The following GPHN variants were observed in gnomAD, a reference collection of about 807,000 sequenced individuals.
The protein encoded by GPHN is gephyrin.
A neutral mutation model predicts 95.5 loss-of-function variants in GPHN; 17 were observed. That is an observed-to-expected ratio of 0.18 (90% CI 0.12 to 0.27). The LOEUF is 0.27. Ranked by LOEUF, GPHN falls within the 10% of genes least tolerant of loss-of-function variation. GPHN has a pLI of 1.00. For synonymous variants in GPHN, 320 were observed against 322.5 expected (o/e 0.99, Z 0.08); for missense variants, 660 against 978.1 (o/e 0.67, Z 4.34).
intron 10 of GPHN, among the ~76,000 whole-genome samples, chr14:67,041,184 T>A (rs2074680865): frequency 6.6e-6 from 1 of 152,218 alleles, no homozygotes; most frequent in Admixed American, 6.5e-5. Flanking sequence ...TGGGCCTTAT[T>A]GGTATTTGCC....
At chr14:67,066,896 G>A (rs1373763835) in intron 11 of GPHN, among the ~76,000 whole-genome samples, 1 of 152,156 alleles carries the variant, frequency 6.6e-6, no homozygotes, top group East Asian at 1.9e-4. Flanking sequence ...GCTCGGAGAA[G>A]TTTGTTATTA....
the GPHN span, among the ~76,000 whole-genome samples, chr14:67,215,407 T>G: frequency 2.3e-4 from 25 of 110,182 alleles, no homozygotes; most frequent in South Asian, 1.1e-3. Flanking sequence ...TGATCTATTG[T>G]TTTTTTTTTT....
chr14:67,125,498 G>A (rs1017260476), intron 17 of GPHN, among the ~76,000 whole-genome samples: 2 of 152,124 alleles, frequency 1.3e-5, no homozygotes, highest in Non-Finnish European at 2.9e-5. Context: ...CAATAAGGGC[G>A]AGGTGCAGTG....
intron 11 of GPHN, among the ~76,000 whole-genome samples, chr14:67,065,660 A>G (rs1284269240): frequency 6.6e-6 from 1 of 151,544 alleles, no homozygotes; most frequent in East Asian, 1.9e-4. Flanking sequence ...TTCCTGCTGC[A>G]TTGATCCCTT....
At chr14:66,670,872 G>T (rs1337449863) in intron 1 of GPHN, among the ~76,000 whole-genome samples, 2 of 152,156 alleles carry the variant, frequency 1.3e-5, no homozygotes, top group Non-Finnish European at 2.9e-5. Context: ...ATTGAGAATT[G>T]TACCTAGGTA....
chr14:66,609,421 T>A (rs574789933), intron 1 of GPHN, among the ~76,000 whole-genome samples: 1 of 152,266 alleles, frequency 6.6e-6, no homozygotes, highest in East Asian at 1.9e-4. Flanking sequence ...CTGTGTGTCT[T>A]GGGGATGGTC....
At chr14:67,673,306 TGCACTCCA>T in the GPHN span, among the ~76,000 whole-genome samples, 3 of 151,978 alleles carry the variant, frequency 2.0e-5, no homozygotes, top group Non-Finnish European at 4.4e-5. Flanking sequence ...ATCGTGCCAC[TGCACTCCA>T]GCCTGGGTGA....
In GPHN at chr14:66,862,405, T is replaced by C. The variant is rs2063063175; in HGVS notation, c.295-17534T>C. Among the ~76,000 whole-genome samples the C allele has an allele frequency of 2.6e-5, 4 of 152,102 alleles. No homozygotes were observed. The South Asian group carries it at 8.3e-4, about 32-fold the overall frequency. Reference sequence around the variant, plus strand: ...ATTCCCTGCTGAATTCTACAGAACATTTAAGGAAGAACTAATACCAATCTT... The same window carrying C: ...ATTCCCTGCTGAATTCTACAGAACACTTAAGGAAGAACTAATACCAATCTT... On this transcript the variant is annotated intron_variant, in intron 4 of 22. Transcript: ENST00000478722.
At position 66,827,376 on chromosome 14, in the gene GPHN, G is replaced by T. The variant is rs760637617; in HGVS notation, c.294+2810G>T. ...GCTATCACTCAGGAAATTCCCAAGG[G>T]TTTTATGAGTTCTATAATAAGTCAG... On this transcript the variant is annotated intron_variant, in intron 4 of 22. Coordinates refer to ENST00000478722, the MANE Select transcript of GPHN (RefSeq NM_020806.5). 3.0e-4 allele frequency among the ~76,000 whole-genome samples: 45 copies of T among 152,020 alleles called. No individual in the cohort carries two copies. In the Middle Eastern group the frequency reaches 0.014, roughly 46 times the overall value.
At chr14:66,845,819 CTGTG>C (rs367997271) in intron 4 of GPHN, among the ~76,000 whole-genome samples, 5,023 of 143,318 alleles carry the variant, frequency 0.035, 111 homozygotes, top group East Asian at 0.095. Flanking sequence ...ATACATGCCT[CTGTG>C]TGTGTGTGTG....
intron 9 of GPHN, among the ~76,000 whole-genome samples, chr14:66,998,888 A>AAAAAT (rs1555460418): frequency 1.4e-5 from 2 of 142,920 alleles, no homozygotes; most frequent in African/African-American, 5.2e-5. Flanking sequence ...AAAAAAAAAA[A>AAAAAT]ATATATATAT....
At chr14:66,632,162 A>G (rs1200162526) in intron 1 of GPHN, among the ~76,000 whole-genome samples, 1 of 152,182 alleles carries the variant, frequency 6.6e-6, no homozygotes, top group Admixed American at 6.5e-5. Flanking sequence ...GTTTCATGAC[A>G]TGAGATTGGC....
chr14:67,689,038 C>T, the GPHN span, among the ~76,000 whole-genome samples: 1 of 152,282 alleles, frequency 6.6e-6, no homozygotes, highest in East Asian at 1.9e-4. Flanking sequence ...ATCAGAGTCA[C>T]CTCATTCATG....
chr14:67,280,950 G>A, the GPHN span, among the ~76,000 whole-genome samples: 3 of 149,408 alleles, frequency 2.0e-5, no homozygotes, highest in Admixed American at 1.3e-4. Context: ...AGGCTGGAGT[G>A]CAGTGGTGCA....
At chr14:67,485,515 T>C in the GPHN span, among the ~76,000 whole-genome samples, 2 of 152,164 alleles carry the variant, frequency 1.3e-5, no homozygotes, top group African/African-American at 4.8e-5. Context: ...AAGCTCTGGG[T>C]TCCCATGGAC....
intron 2 of GPHN, among the ~76,000 whole-genome samples, chr14:66,727,037 C>T (rs1174515771): frequency 6.6e-6 from 1 of 152,144 alleles, no homozygotes; most frequent in Non-Finnish European, 1.5e-5. Context: ...ATAGGAGGAA[C>T]CTGGTGAGAC....
At chr14:66,887,356 A>G (rs2064248302) in intron 5 of GPHN, among the ~76,000 whole-genome samples, 1 of 152,152 alleles carries the variant, frequency 6.6e-6, no homozygotes, top group Non-Finnish European at 1.5e-5. Context: ...TTGGGAGGCC[A>G]AGGCAGGTGG....
chr14:67,051,994 C>T (rs2075326712), intron 10 of GPHN, among the ~76,000 whole-genome samples: 1 of 152,188 alleles, frequency 6.6e-6, no homozygotes, highest in Non-Finnish European at 1.5e-5. Context: ...CCAATACCTG[C>T]CACTACAAAC....
At position 66,508,373 on chromosome 14, in the gene GPHN, G is replaced by A; in HGVS notation, c.-155G>A. 1 of 741,198 alleles carries A rather than the reference G, an allele frequency of 1.3e-6. No individual in the cohort carries two copies. The allele number at this position is 741,198 out of a possible 1,614,324, so 45.9% of individuals were successfully genotyped here. On this transcript the variant is annotated 5_prime_UTR_variant, in exon 1 of 23. In the 5' UTR this introduces an upstream ATG that the reference lacks. Transcript: ENST00000478722. ...CGGCCTCTCCCCCACGCAGGCCACC[G>A]TGCACTCTGTGGCCTCCCCCTCCTT...
Sources: allele counts gnomAD v4.1 joint callset (sites outside exome capture counted in the v4.1 genomes callset), GRCh38; gene constraint gnomAD v4.1.1; transcripts MANE v1.5; gene names NCBI Gene and HGNC (gene_info 2026-07-23, HGNC 2026-07-21).